Variants in CDH13 observed in about 807,000 individuals in gnomAD.
CDH13 encodes cadherin 13.
In CDH13, 24 loss-of-function variants were observed where a neutral mutation model predicts 63.8. That is an observed-to-expected ratio of 0.38 (90% CI 0.27 to 0.53). CDH13 has a LOEUF of 0.53. Among genes scored for constraint, CDH13 ranks in the 20% least tolerant of loss-of-function variants. CDH13 has a pLI of 0.85. For synonymous variants in CDH13, 503 were observed against 355.3 expected (o/e 1.42, Z -4.67); for missense variants, 1,049 against 903.1 (o/e 1.16, Z -2.07).
intron 5 of CDH13, among the ~76,000 whole-genome samples, chr16:83,241,738 C>T (rs550302558): frequency 3.9e-5 from 6 of 152,132 alleles, no homozygotes; most frequent in African/African-American, 1.4e-4. Context: ...GATTTTAACC[C>T]CTTATCCGAT....
intron 2 of CDH13, among the ~76,000 whole-genome samples, chr16:82,977,830 ATG>A (rs1909732589): frequency 6.6e-6 from 1 of 152,164 alleles, no homozygotes; most frequent in Non-Finnish European, 1.5e-5. Flanking sequence ...AGACAGGAAA[ATG>A]TGGGCAATTT....
At chr16:83,130,831 C>A (rs1028162034) in intron 4 of CDH13, among the ~76,000 whole-genome samples, 4 of 152,056 alleles carry the variant, frequency 2.6e-5, no homozygotes, top group African/African-American at 9.7e-5. Context: ...TTATTACAAC[C>A]TGAATTCCTG....
chr16:82,862,400 G>A (rs1383338122), intron 2 of CDH13, among the ~76,000 whole-genome samples: 2 of 152,196 alleles, frequency 1.3e-5, no homozygotes, highest in African/African-American at 4.8e-5. Context: ...CATCAGCTCA[G>A]ACAGATTTTT....
At chr16:83,679,625 C>A (rs1412978844) in intron 10 of CDH13, among the ~76,000 whole-genome samples, 1 of 152,072 alleles carries the variant, frequency 6.6e-6, no homozygotes, top group Non-Finnish European at 1.5e-5. Flanking sequence ...AATAGCCATT[C>A]TTTTTTTTCT....
rs150513259 is a variant in CDH13 at position 82,647,903 on chromosome 16, G to T, written c.45+20766G>T. On this transcript the variant is annotated intron_variant, in intron 1 of 13. Transcript: ENST00000567109. ...CTCCCATAGTCCCCATGTGTCATGG[G>T]AGGGACCCTGTCGGGGGTAACTGAA... is the stretch of plus-strand genomic sequence containing the variant. Among the ~76,000 whole-genome samples the T allele has an allele frequency of 4.6e-3, 700 of 152,274 alleles. 5 individuals are homozygous for T. The highest frequency in any genetic ancestry group is 7.0e-3 in the Admixed American group (107 of 15,308).
chr16:82,771,866 T>C (rs978088640), intron 1 of CDH13, among the ~76,000 whole-genome samples: 1 of 152,212 alleles, frequency 6.6e-6, no homozygotes, highest in Non-Finnish European at 1.5e-5. Flanking sequence ...CCAGGGAGAC[T>C]GGGAATGATG....
At chr16:82,982,700 C>T (rs1910437939) in intron 2 of CDH13, among the ~76,000 whole-genome samples, 2 of 152,154 alleles carry the variant, frequency 1.3e-5, no homozygotes, top group Non-Finnish European at 1.5e-5. Flanking sequence ...AGTTGCAGGT[C>T]GTCTCCCTGT....
At chr16:83,677,380 G>C (rs929309767) in intron 9 of CDH13, among the ~76,000 whole-genome samples, 25 of 152,192 alleles carry the variant, frequency 1.6e-4, no homozygotes, top group Admixed American at 1.0e-3. Flanking sequence ...CACTGGGGTA[G>C]GACAATCCAC....
intron 1 of CDH13, among the ~76,000 whole-genome samples, chr16:82,662,447 A>T (rs534757352): frequency 6.6e-6 from 1 of 152,234 alleles, no homozygotes; most frequent in Admixed American, 6.5e-5. Context: ...GATGAAAATG[A>T]TTGAGAAACA....
intron 7 of CDH13, among the ~76,000 whole-genome samples, chr16:83,600,931 GTCT>G (rs1255710711): frequency 6.6e-6 from 1 of 152,026 alleles, no homozygotes; most frequent in Non-Finnish European, 1.5e-5. Context: ...TGGATGCAGG[GTCT>G]TCTTCTGCAT....
intron 7 of CDH13, among the ~76,000 whole-genome samples, chr16:83,494,267 G>A (rs1355649805): frequency 6.6e-6 from 1 of 152,038 alleles, no homozygotes; most frequent in Non-Finnish European, 1.5e-5. Context: ...AAAAGCTAAA[G>A]AATGTTTTCA....
chr16:83,090,587 A>T (rs559568336), intron 3 of CDH13, among the ~76,000 whole-genome samples: 2,552 of 151,108 alleles, frequency 0.017, 75 homozygotes, highest in African/African-American at 0.059. Context: ...AAAAAAAAAA[A>T]AAATAAGTGC....
chr16:83,529,195 T>C (rs2075028532), intron 7 of CDH13, among the ~76,000 whole-genome samples: 1 of 151,898 alleles, frequency 6.6e-6, no homozygotes, highest in Non-Finnish European at 1.5e-5. Context: ...CAGTACATAG[T>C]ATTTATGGTT....
chr16:82,731,549 G>C (rs868180079), intron 1 of CDH13, among the ~76,000 whole-genome samples: 6 of 152,168 alleles, frequency 3.9e-5, no homozygotes, highest in African/African-American at 1.4e-4. Context: ...TCAAGACATT[G>C]ACAAATAAGT....
chr16:83,712,670 A>G lies in CDH13; in HGVS notation c.1538+34209A>G, dbSNP rs117271668. On this transcript the variant is annotated intron_variant, in intron 10 of 13. Coordinates refer to ENST00000567109, the MANE Select transcript of CDH13 (RefSeq NM_001257.5). ...TTTTATATTTTACTTATGTTATTCA[A>G]TTTGTCTACACATCTATCCTTTTCT... Among the ~76,000 whole-genome samples the G allele has an allele frequency of 5.0e-3, 758 of 152,248 alleles. 6 individuals carry two copies. The highest frequency in any genetic ancestry group is 0.026 in the East Asian group (137 of 5,176).
chr16:83,691,309 G>A (rs963255682), intron 10 of CDH13, among the ~76,000 whole-genome samples: 1 of 152,126 alleles, frequency 6.6e-6, no homozygotes, highest in African/African-American at 2.4e-5. Flanking sequence ...CACATGAGCT[G>A]GGTATCAGGG....
intron 8 of CDH13, among the ~76,000 whole-genome samples, chr16:83,652,597 C>G (rs1598417666): frequency 6.6e-6 from 1 of 152,290 alleles, no homozygotes; most frequent in East Asian, 1.9e-4. Context: ...GCCCCTCATG[C>G]CATTCACAAA....
chr16:83,754,703 C>T (rs1399006769), intron 11 of CDH13, among the ~76,000 whole-genome samples: 1 of 152,154 alleles, frequency 6.6e-6, no homozygotes, highest in East Asian at 1.9e-4. Flanking sequence ...TGCTGCCATC[C>T]CTGTAAGATG....
At chr16:83,082,635 C>T (rs904496198) in intron 3 of CDH13, among the ~76,000 whole-genome samples, 1 of 152,086 alleles carries the variant, frequency 6.6e-6, no homozygotes, top group Non-Finnish European at 1.5e-5. Flanking sequence ...CAAGACAAGA[C>T]TGTCTCAACA....
Sources: gnomAD v4.1 joint callset for allele counts (sites outside exome capture counted in the v4.1 genomes callset) on GRCh38, gnomAD v4.1.1 for gene constraint, MANE v1.5 for transcripts, NCBI Gene and HGNC (gene_info 2026-07-23, HGNC 2026-07-21) for gene names.